KCNQ5: variants seen among roughly 807,000 people sequenced by gnomAD.
KCNQ5 encodes potassium voltage-gated channel subfamily KQT member 5.
KCNQ5 carries 30 observed loss-of-function variants against 98.2 expected under a neutral mutation model. The ratio of observed to expected loss-of-function variants is 0.31; its 90% CI spans 0.23 to 0.41. The LOEUF is 0.41. KCNQ5 is among the 10% of genes least tolerant of loss of function. The pLI is 1.00. For missense variants in KCNQ5, 835 were observed against 1,182.5 expected (o/e 0.71, Z 4.31); for synonymous variants, 458 against 449.4 (o/e 1.02, Z -0.24).
At position 72,937,213 on chromosome 6, in the gene KCNQ5, C is replaced by A. The variant is rs141826135; in HGVS notation, c.399-66695C>A. ...TTTAAAATTCTTTAATAGTCACTCT[C>A]TCCTCAATTTTTTTGGATCTCCAGG... On this transcript the variant is annotated intron_variant, in intron 1 of 13. Transcript: ENST00000370398. Among the ~76,000 whole-genome samples, 261 of 152,256 alleles carry A rather than the reference C, an allele frequency of 1.7e-3. 4 individuals are homozygous for A. Among genetic ancestry groups the A allele is most frequent in the Admixed American group, 0.013 (200 of 15,282 alleles).
intron 1 of KCNQ5, among the ~76,000 whole-genome samples, chr6:72,801,757 G>T (rs529187557): frequency 1.3e-5 from 2 of 152,204 alleles, no homozygotes; most frequent in Admixed American, 1.3e-4. Context: ...TTTTGCAGTG[G>T]CTGGTACCGG....
At chr6:72,714,623 A>G (rs1259050988) in intron 1 of KCNQ5, among the ~76,000 whole-genome samples, 3 of 152,184 alleles carry the variant, frequency 2.0e-5, no homozygotes, top group Admixed American at 1.3e-4. Flanking sequence ...ATGAGTATGG[A>G]TAGTTACCTT....
At chr6:72,782,840 A>C (rs1218235775) in intron 1 of KCNQ5, among the ~76,000 whole-genome samples, 5 of 152,152 alleles carry the variant, frequency 3.3e-5, no homozygotes, top group African/African-American at 1.2e-4. Context: ...TTATCACTGC[A>C]TTATCTACAG....
intron 1 of KCNQ5, among the ~76,000 whole-genome samples, chr6:72,894,954 G>A (rs192831735): frequency 2.0e-5 from 3 of 151,854 alleles, no homozygotes; most frequent in East Asian, 1.9e-4. Context: ...CCATGAGCAC[G>A]TGTGCACACA....
rs181552556 is a variant in KCNQ5 at position 73,105,432 on chromosome 6, T to C, written c.1029+65T>C. The C allele has an allele frequency of 3.4e-5, 32 of 931,078 alleles. No individual in the cohort carries two copies. In the Admixed American group the frequency reaches 6.9e-4, roughly 20 times the overall value. The allele number at this position is 931,078 out of a possible 1,614,324, so 57.7% of individuals were successfully genotyped here. ...CTTAGAGACTTATTAGAGTGAGCTC[T>C]CACAAATTCGTATGCTTGGGAACAT... On this transcript the variant is annotated intron_variant, in intron 6 of 13. Transcript: ENST00000370398.
intron 1 of KCNQ5, among the ~76,000 whole-genome samples, chr6:72,627,265 A>C (rs1404342318): frequency 6.6e-6 from 1 of 152,176 alleles, no homozygotes. Context: ...AGTAGAAAAA[A>C]TGAGATAGTC....
At chr6:72,834,284 C>T (rs562239230) in intron 1 of KCNQ5, among the ~76,000 whole-genome samples, 1 of 152,180 alleles carries the variant, frequency 6.6e-6, no homozygotes, top group South Asian at 2.1e-4. Flanking sequence ...ACTGAATTGA[C>T]TGCAAAGTAA....
intron 1 of KCNQ5, among the ~76,000 whole-genome samples, chr6:72,751,729 G>A (rs950391524): frequency 3.9e-5 from 6 of 152,026 alleles, no homozygotes; most frequent in African/African-American, 1.4e-4. Flanking sequence ...AGTACAAAAA[G>A]CAATGTATCA....
chr6:72,848,489 G>A (rs1777108370), intron 1 of KCNQ5, among the ~76,000 whole-genome samples: 1 of 152,110 alleles, frequency 6.6e-6, no homozygotes, highest in African/African-American at 2.4e-5. Flanking sequence ...AATATATTTA[G>A]TTAACAAGAT....
chr6:72,841,565 C>G (rs1488417099), intron 1 of KCNQ5, among the ~76,000 whole-genome samples: 5 of 152,134 alleles, frequency 3.3e-5, no homozygotes, highest in South Asian at 4.1e-4. Context: ...CATGCATATT[C>G]CTCCTAAAAC....
At chr6:72,858,001 A>ATTTG (rs1274198330) in intron 1 of KCNQ5, among the ~76,000 whole-genome samples, 2 of 152,230 alleles carry the variant, frequency 1.3e-5, no homozygotes, top group African/African-American at 2.4e-5. Context: ...AATAGTGAGT[A>ATTTG]AGAAAAATAT....
intron 1 of KCNQ5, among the ~76,000 whole-genome samples, chr6:72,766,918 T>C (rs1184323717): frequency 6.6e-6 from 1 of 151,956 alleles, no homozygotes; most frequent in Non-Finnish European, 1.5e-5. Context: ...ATAAAGATGG[T>C]ATTTAAGCTA....
intron 2 of KCNQ5, among the ~76,000 whole-genome samples, chr6:73,005,346 A>G (rs187428688): frequency 1.2e-4 from 19 of 152,350 alleles, no homozygotes; most frequent in African/African-American, 4.3e-4. Flanking sequence ...AGGTCCACAT[A>G]TGGAACTACA....
At position 72,893,649 on chromosome 6, in the gene KCNQ5, A is replaced by G. The variant is rs75724669; in HGVS notation, c.399-110259A>G. 7.6e-3 allele frequency among the ~76,000 whole-genome samples: 1,156 copies of G among 152,352 alleles called. 15 individuals carry two copies. Among genetic ancestry groups the G allele is most frequent in the African/African-American group, 0.024 (1,013 of 41,572 alleles). On this transcript the variant is annotated intron_variant, in intron 1 of 13. Transcript: ENST00000370398. ...TGTATATGAATTTGTTCTCCTGGTA[A>G]TAATAATGAATTTAGACCTATTTTT... is the stretch of plus-strand genomic sequence containing the variant.
intron 1 of KCNQ5, among the ~76,000 whole-genome samples, chr6:72,984,033 A>T (rs1006373126): frequency 6.6e-6 from 1 of 152,306 alleles, no homozygotes; most frequent in Non-Finnish European, 1.5e-5. Context: ...GCAGAACAGC[A>T]AATATTGCAG....
At chr6:73,072,859 T>G (rs1218790938) in intron 3 of KCNQ5, among the ~76,000 whole-genome samples, 1 of 152,152 alleles carries the variant, frequency 6.6e-6, no homozygotes, top group Non-Finnish European at 1.5e-5. Flanking sequence ...TTTGTTTCCT[T>G]TGAGAGAGGT....
intron 1 of KCNQ5, among the ~76,000 whole-genome samples, chr6:72,858,418 C>T (rs1777617470): frequency 6.6e-6 from 1 of 151,846 alleles, no homozygotes. Context: ...GTTTTGCTGA[C>T]ACATATAAAT....
chr6:72,987,589 G>C (rs1447472791), intron 1 of KCNQ5: 1 of 615,942 alleles, frequency 1.6e-6, no homozygotes, highest in African/African-American at 1.9e-5. Flanking sequence ...GAAGGCGGCC[G>C]ACAGCCTGCA....
chr6:73,188,826 T>C (rs949741911), intron 11 of KCNQ5, among the ~76,000 whole-genome samples: 22 of 151,870 alleles, frequency 1.4e-4, no homozygotes, highest in African/African-American at 4.8e-4. Context: ...CTACTAAAGA[T>C]ACAAAAAATT....
Sources: gnomAD v4.1 joint callset for allele counts (sites outside exome capture counted in the v4.1 genomes callset) on GRCh38, gnomAD v4.1.1 for gene constraint, MANE v1.5 for transcripts, NCBI Gene and HGNC (gene_info 2026-07-23, HGNC 2026-07-21) for gene names.